Variants in LOXHD1 observed in about 807,000 individuals in gnomAD.
LOXHD1 encodes the protein lipoxygenase homology PLAT domains 1, also known as lipoxygenase homology domain-containing protein 1.
LOXHD1 carries 205 observed loss-of-function variants against 248.2 expected under a neutral mutation model. That is an observed-to-expected ratio of 0.83 (90% CI 0.74 to 0.93). The LOEUF is 0.93. Ranked by LOEUF, LOXHD1 falls within the 40% of genes least tolerant of loss-of-function variation. The pLI, the probability that LOXHD1 is intolerant of heterozygous loss-of-function variation, is 0.00. For missense variants in LOXHD1, 2,930 were observed against 2,971.6 expected (o/e 0.99, Z 0.33); for synonymous variants, 1,113 against 1,162.8 (o/e 0.96, Z 0.87).
In LOXHD1 at chr18:46,572,244, T is replaced by C. The variant is rs879820890; in HGVS notation, c.1971-82A>G. On this transcript the variant is annotated intron_variant, in intron 14 of 40. Transcript: ENST00000642948. ...GCTTCACCCATTCATGCAGAGTCAC[T>C]ATGGAGGCCCAGAGCTTTGACTTTA... 25 of 1,205,928 alleles carry C rather than the reference T, an allele frequency of 2.1e-5. No individual in the cohort carries two copies. In the Middle Eastern group the frequency reaches 1.3e-3, roughly 63 times the overall value. The allele number at this position is 1,205,928 out of a possible 1,614,324, so 74.7% of individuals were successfully genotyped here.
chr18:46,570,320 C>A (rs2037727858), intron 15 of LOXHD1, among the ~76,000 whole-genome samples: 1 of 152,162 alleles, frequency 6.6e-6, no homozygotes, highest in African/African-American at 2.4e-5. Context: ...AAGGCAAGAC[C>A]CCAAGTCCTC....
chr18:46,503,874 G>T (rs1321772275), intron 37 of LOXHD1, among the ~76,000 whole-genome samples: 1 of 152,146 alleles, frequency 6.6e-6, no homozygotes, highest in Non-Finnish European at 1.5e-5. Context: ...ACAGTGGCTG[G>T]TGAGGGTGCA....
intron 6 of LOXHD1, among the ~76,000 whole-genome samples, chr18:46,609,854 G>A (rs993492534): frequency 1.3e-5 from 2 of 152,166 alleles, no homozygotes; most frequent in African/African-American, 4.8e-5. Context: ...AGTCTGAAGG[G>A]GGCTTCCTTC....
intron 34 of LOXHD1, among the ~76,000 whole-genome samples, chr18:46,515,794 C>T (rs1158747921): frequency 6.6e-6 from 1 of 152,202 alleles, no homozygotes. Context: ...TCCTCTGCAG[C>T]GACCATCCCA....
intron 17 of LOXHD1, 128 bp from the exon 18 acceptor site, chr18:46,563,353 T>G: frequency 1.1e-6 from 1 of 904,930 alleles, no homozygotes; most frequent in Non-Finnish European, 1.6e-6. Flanking sequence ...ACTTATCTAA[T>G]CCTCTCCTCA....
At chr18:46,585,584 A>G (rs895942559) in intron 12 of LOXHD1, among the ~76,000 whole-genome samples, 1 of 152,150 alleles carries the variant, frequency 6.6e-6, no homozygotes. Context: ...ATGAATTGGA[A>G]GACCTAACAT....
At chr18:46,620,023 G>A (rs558126424) in intron 4 of LOXHD1, among the ~76,000 whole-genome samples, 13 of 152,178 alleles carry the variant, frequency 8.5e-5, no homozygotes, top group African/African-American at 3.1e-4. Context: ...CTTGAAACTG[G>A]AGCCACACTC....
chr18:46,499,547 A>G (rs373920868), intron 37 of LOXHD1, among the ~76,000 whole-genome samples: 1 of 152,226 alleles, frequency 6.6e-6, no homozygotes, highest in African/African-American at 2.4e-5. Context: ...GTACCATGCC[A>G]TTCTTTGGAT....
At chr18:46,633,275 C>A (rs1486567549) in intron 4 of LOXHD1, among the ~76,000 whole-genome samples, 1 of 152,106 alleles carries the variant, frequency 6.6e-6, no homozygotes, top group African/African-American at 2.4e-5. Context: ...TAAAGACAGT[C>A]ATATAGACCA....
chr18:46,579,808 C>T, intron 12 of LOXHD1, 24 bp from the exon 13 acceptor site: 2 of 1,545,020 alleles, frequency 1.3e-6, no homozygotes, highest in Non-Finnish European at 1.8e-6. Flanking sequence ...AGAGGGACAT[C>T]ATTGCTGACA....
rs766505480 is a variant in LOXHD1, at chr18:46,505,119, GTTTATA to G, written c.5878+713_5878+718del. Among the ~76,000 whole-genome samples the G allele has an allele frequency of 1.8e-4, 28 of 151,800 alleles. No homozygotes were observed. The Middle Eastern group carries it at 0.01, about 56-fold the overall frequency. ...CACTTGGTTTATATCCTATTTCATA[GTTTATA>G]TTTATAAGTGAATTCAACAACTTTA... is the stretch of plus-strand genomic sequence containing the variant. On this transcript the variant is annotated intron_variant, in intron 37 of 40. Transcript: ENST00000642948.
intron 34 of LOXHD1, among the ~76,000 whole-genome samples, chr18:46,514,682 C>T (rs969501924): frequency 6.6e-6 from 1 of 152,092 alleles, no homozygotes; most frequent in Non-Finnish European, 1.5e-5. Context: ...GCTCTTTGTA[C>T]TAAGGGTTAG....
chr18:46,482,271 G>A (rs1281567158), intron 40 of LOXHD1, among the ~76,000 whole-genome samples: 2 of 152,336 alleles, frequency 1.3e-5, no homozygotes, highest in East Asian at 1.9e-4. Context: ...CAATGCCATG[G>A]TATTTGGAGA....
At chr18:46,520,359 A>T (rs544797010) in intron 33 of LOXHD1, 1 of 470,026 alleles carries the variant, frequency 2.1e-6, no homozygotes, top group South Asian at 1.6e-5. Flanking sequence ...AGTACCAGAG[A>T]TAAGGGCTGG....
chr18:46,597,675 C>T (rs1025153331), intron 8 of LOXHD1, among the ~76,000 whole-genome samples: 6 of 152,042 alleles, frequency 3.9e-5, no homozygotes, highest in African/African-American at 1.2e-4. Flanking sequence ...ACATACTTCT[C>T]ATTTCACTCT....
At chr18:46,607,221 A>C (rs556526895) in intron 6 of LOXHD1, among the ~76,000 whole-genome samples, 57 of 151,886 alleles carry the variant, frequency 3.8e-4, no homozygotes, top group African/African-American at 1.4e-3. Flanking sequence ...TTTAAATAAC[A>C]TGGGGATATA....
chr18:46,624,909 C>T (rs1399291105), intron 4 of LOXHD1, among the ~76,000 whole-genome samples: 1 of 152,204 alleles, frequency 6.6e-6, no homozygotes, highest in Non-Finnish European at 1.5e-5. Context: ...CTTGCAGACA[C>T]ACTTCTTATT....
chr18:46,606,525 T>G (rs1193719977), intron 6 of LOXHD1, among the ~76,000 whole-genome samples: 1 of 152,190 alleles, frequency 6.6e-6, no homozygotes, highest in East Asian at 1.9e-4. Flanking sequence ...AAAAAATTAT[T>G]GACTGATACT....
At chr18:46,606,973 C>T (rs2038424059) in intron 6 of LOXHD1, among the ~76,000 whole-genome samples, 1 of 151,942 alleles carries the variant, frequency 6.6e-6, no homozygotes, top group African/African-American at 2.4e-5. Context: ...CGAGACCAGC[C>T]TGGTTGACAT....
Sources: allele counts gnomAD v4.1 joint callset (sites outside exome capture counted in the v4.1 genomes callset), GRCh38; gene constraint gnomAD v4.1.1; transcripts MANE v1.5; gene names NCBI Gene and HGNC (gene_info 2026-07-23, HGNC 2026-07-21).